UNC5D: variants seen among roughly 807,000 people sequenced by gnomAD.
UNC5D encodes the protein unc-5 netrin receptor D.
A neutral mutation model predicts 105.4 loss-of-function variants in UNC5D; 39 were observed. The ratio of observed to expected loss-of-function variants is 0.37; its 90% confidence interval spans 0.29 to 0.48. The LOEUF (loss-of-function observed/expected upper bound fraction) is 0.48, where lower values mean the gene tolerates loss of function less well. Among genes scored for constraint, UNC5D ranks in the 20% least tolerant of loss-of-function variants. The pLI is 0.98. For missense variants in UNC5D, 991 were observed against 1,202.4 expected (o/e 0.82, Z 2.60); for synonymous variants, 452 against 450.4 (o/e 1.00, Z -0.04).
rs547363365 is a variant in UNC5D at position 35,319,090 on chromosome 8, G to T, written c.103+83203G>T. On this transcript the variant is annotated intron_variant, in intron 1 of 16. Transcript: ENST00000404895. ...TAACATTCATACCCATATGTTGTCT[G>T]TGTGAAGTGCATGGAGCTGACAAGG... Among the ~76,000 whole-genome samples, 301 of 152,184 alleles carry T rather than the reference G, an allele frequency of 2.0e-3. 2 individuals carry two copies. Among genetic ancestry groups the T allele is most frequent in the Admixed American group, 4.0e-3 (61 of 15,274 alleles).
rs775014566 is a variant in UNC5D at position 35,710,934 on chromosome 8, C to CTTTTTTTTTTTTTTTTTTTTTTTTTTTTT, written c.1117+4995_1117+4996insTTTTTTTTTTTTTTTTTTTTTTTTTTTTT. ...GCCTCTTCAGTAGCTCAGCATTATTCTTTTTTTTTTTTTTTTTTTTTTGAG... is the reference window on the plus strand; with the variant it reads ...GCCTCTTCAGTAGCTCAGCATTATTCTTTTTTTTTTTTTTTTTTTTTTTTTTTTTTTTTTTTTTTTTTTTTTTTTTTGAG... On this transcript the variant is annotated intron_variant, in intron 8 of 16. Coordinates refer to ENST00000404895, the MANE Select transcript of UNC5D (RefSeq NM_080872.4). 4.4e-5 allele frequency among the ~76,000 whole-genome samples: 5 copies of CTTTTTTTTTTTTTTTTTTTTTTTTTTTTT among 114,376 alleles called. 1 individual carries two copies. The highest frequency in any genetic ancestry group is 2.0e-4 in the African/African-American group (5 of 25,038). 75.0% of individuals were successfully genotyped at this position (114,376 alleles called of 152,430 possible). A position where few individuals can be genotyped will look rare whatever the true frequency, so the allele number is the denominator to read the frequency against.
At chr8:35,378,421 A>G (rs992643754) in intron 1 of UNC5D, among the ~76,000 whole-genome samples, 3 of 152,190 alleles carry the variant, frequency 2.0e-5, no homozygotes, top group Non-Finnish European at 4.4e-5. Flanking sequence ...CGTGACATCT[A>G]TCAGGACACA....
chr8:35,774,012 C>G (rs766372951), intron 15 of UNC5D, among the ~76,000 whole-genome samples: 3 of 152,218 alleles, frequency 2.0e-5, no homozygotes, highest in Non-Finnish European at 4.4e-5. Flanking sequence ...GCATGAGCCA[C>G]TGTGCCCAGC....
intron 1 of UNC5D, among the ~76,000 whole-genome samples, chr8:35,486,235 C>T (rs1007622832): frequency 3.3e-5 from 5 of 152,146 alleles, no homozygotes; most frequent in African/African-American, 1.2e-4. Flanking sequence ...GAGGAAAGCA[C>T]GTTCTAATTC....
At chr8:35,724,612 C>G (rs1450512174) in intron 9 of UNC5D, among the ~76,000 whole-genome samples, 1 of 152,188 alleles carries the variant, frequency 6.6e-6, no homozygotes, top group Non-Finnish European at 1.5e-5. Context: ...ATTTCCCGCT[C>G]AAGTGCTGTC....
intron 1 of UNC5D, among the ~76,000 whole-genome samples, chr8:35,249,293 C>T (rs969496283): frequency 6.7e-6 from 1 of 149,780 alleles, no homozygotes; most frequent in African/African-American, 2.4e-5. Flanking sequence ...CGTGGTGGCT[C>T]ACGCCTGTAA....
intron 1 of UNC5D, among the ~76,000 whole-genome samples, chr8:35,239,265 T>C (rs1403327386): frequency 6.6e-6 from 1 of 152,178 alleles, no homozygotes; most frequent in Non-Finnish European, 1.5e-5. Flanking sequence ...GAGCTGTGGA[T>C]CCTTTCTGAG....
intron 1 of UNC5D, among the ~76,000 whole-genome samples, chr8:35,431,090 T>C (rs932182262): frequency 4.6e-5 from 7 of 152,236 alleles, no homozygotes; most frequent in African/African-American, 1.7e-4. Flanking sequence ...AATAATTATA[T>C]GTTAACCAAT....
intron 1 of UNC5D, among the ~76,000 whole-genome samples, chr8:35,523,257 T>C (rs1813615637): frequency 6.6e-6 from 1 of 151,996 alleles, no homozygotes; most frequent in South Asian, 2.1e-4. Context: ...TAACTTTTTA[T>C]TTTTTGTAGA....
At chr8:35,671,092 C>T (rs936908933) in intron 4 of UNC5D, among the ~76,000 whole-genome samples, 5 of 152,008 alleles carry the variant, frequency 3.3e-5, no homozygotes, top group Admixed American at 1.3e-4. Context: ...TCCCCTTTTC[C>T]TTGCCCCACC....
intron 4 of UNC5D, among the ~76,000 whole-genome samples, chr8:35,616,114 T>C (rs1191302052): frequency 6.6e-6 from 1 of 152,196 alleles, no homozygotes; most frequent in Non-Finnish European, 1.5e-5. Context: ...TCCCAACTTT[T>C]TGAAGCGCCT....
intron 4 of UNC5D, among the ~76,000 whole-genome samples, chr8:35,665,845 ATTTG>A (rs1276621979): frequency 2.0e-5 from 3 of 152,064 alleles, no homozygotes; most frequent in East Asian, 1.9e-4. Context: ...TTAACCCTAT[ATTTG>A]TTTAATTATG....
At chr8:35,768,554 G>A (rs1250911163) in intron 15 of UNC5D, among the ~76,000 whole-genome samples, 1 of 152,172 alleles carries the variant, frequency 6.6e-6, no homozygotes, top group Non-Finnish European at 1.5e-5. Context: ...TGCCCTAGAT[G>A]TCCGTTAACA....
At chr8:35,724,442 C>G in intron 9 of UNC5D, 1 of 877,878 alleles carries the variant, frequency 1.1e-6, no homozygotes, top group Non-Finnish European at 1.6e-6. Flanking sequence ...AAATAGAATG[C>G]CATACACAGA....
intron 1 of UNC5D, among the ~76,000 whole-genome samples, chr8:35,413,875 C>T (rs937897320): frequency 2.6e-5 from 4 of 151,968 alleles, no homozygotes; most frequent in African/African-American, 9.7e-5. Context: ...GTTTTCTGTC[C>T]TATAGAATAT....
intron 1 of UNC5D, among the ~76,000 whole-genome samples, chr8:35,420,560 TG>T (rs1805831486): frequency 6.6e-6 from 1 of 152,202 alleles, no homozygotes; most frequent in African/African-American, 2.4e-5. Flanking sequence ...GTCTGAAGTC[TG>T]TGGAAGCCAC....
intron 1 of UNC5D, among the ~76,000 whole-genome samples, chr8:35,391,276 C>T (rs1355529410): frequency 2.0e-5 from 3 of 152,182 alleles, no homozygotes; most frequent in African/African-American, 7.2e-5. Context: ...ATTCCTTCTT[C>T]TCCATCATCA....
At chr8:35,496,486 C>T (rs1424251217) in intron 1 of UNC5D, among the ~76,000 whole-genome samples, 5 of 151,920 alleles carry the variant, frequency 3.3e-5, no homozygotes, top group Non-Finnish European at 7.4e-5. Context: ...TAAAGTGGAG[C>T]AAGATGGAAA....
At chr8:35,382,981 A>G (rs1174794158) in intron 1 of UNC5D, among the ~76,000 whole-genome samples, 1 of 152,210 alleles carries the variant, frequency 6.6e-6, no homozygotes. Context: ...TAAACTTCAG[A>G]TGTTGGATTA....
Sources: allele counts gnomAD v4.1 joint callset (sites outside exome capture counted in the v4.1 genomes callset), GRCh38; gene constraint gnomAD v4.1.1; transcripts MANE v1.5; gene names NCBI Gene and HGNC (gene_info 2026-07-23, HGNC 2026-07-21).